Variants in CDCA8 observed in about 807,000 individuals in gnomAD.
CDCA8 encodes the protein cell division cycle associated 8.
A neutral mutation model predicts 40.0 loss-of-function variants in CDCA8; 25 were observed. The ratio of observed to expected loss-of-function variants is 0.63; its 90% CI spans 0.46 to 0.87. CDCA8 has a LOEUF of 0.87. Among genes scored for constraint, CDCA8 ranks in the 40% least tolerant of loss-of-function variants. CDCA8 has a pLI of 0.00. For synonymous variants in CDCA8, 111 were observed against 126.5 expected, an observed-to-expected ratio of 0.88 and a Z score of 0.82; for missense variants, 280 against 348.4, an observed-to-expected ratio of 0.80 and a Z score of 1.56.
intron 5 of CDCA8, among the ~76,000 whole-genome samples, 162 bp downstream of exon 5, chr1:37,700,683 A>G (rs1386574524): frequency 6.6e-6 from 1 of 152,258 alleles, no homozygotes; most frequent in African/African-American, 2.4e-5. Flanking sequence ...CAAAGTGTGT[A>G]GAACACAGAA....
At chr1:37,706,558 G>A (rs576059667) in intron 8 of CDCA8, among the ~76,000 whole-genome samples, 1 of 152,304 alleles carries the variant, frequency 6.6e-6, no homozygotes, top group Admixed American at 6.5e-5. Context: ...ATGTTAAAGG[G>A]TGGTGCAGAG....
chr1:37,702,299 C>CT (rs1397264883), intron 6 of CDCA8, among the ~76,000 whole-genome samples: 2,054 of 146,158 alleles, frequency 0.014, 39 homozygotes, highest in African/African-American at 0.046. Flanking sequence ...TCAGCCCCCA[C>CT]TTTTTTTTTT....
At chr1:37,705,351 A>C in intron 7 of CDCA8, 90 bp from the exon 8 acceptor site, 2 of 1,248,856 alleles carry the variant, frequency 1.6e-6, no homozygotes, top group Non-Finnish European at 2.3e-6. Context: ...TAAAAACTGC[A>C]ACTTGAGGCC....
Position 37,696,085 on chromosome 1 carries a change from A to T in CDCA8, c.264+135A>T. Reference sequence around the variant, plus strand: ...CTGTTTGTGTCAACTGAAAAATTAGAGTTGGACCAGACACTGTATACATGA... The same window carrying T: ...CTGTTTGTGTCAACTGAAAAATTAGTGTTGGACCAGACACTGTATACATGA... On this transcript the variant is annotated intron_variant, in intron 3 of 9. Transcript: ENST00000373055. The surrounding 1 kb of genome is among the most constrained non-coding windows in gnomAD (Gnocchi z 5.0). 1.3e-6 allele frequency: 1 copy of T among 761,088 alleles called. No homozygotes were observed. The highest frequency in any genetic ancestry group is 1.6e-5 in the South Asian group (1 of 60,750). 47.1% of individuals were successfully genotyped at this position (761,088 alleles called of 1,614,324 possible). A position where few individuals can be genotyped will look rare whatever the true frequency, so the allele number is the denominator to read the frequency against.
chr1:37,695,192 T>A (rs1334301255), intron 2 of CDCA8, among the ~76,000 whole-genome samples: 2 of 149,538 alleles, frequency 1.3e-5, no homozygotes, highest in Admixed American at 6.7e-5. Context: ...CTTTAAGCTT[T>A]AAAAAAAATA....
At chr1:37,704,602 G>T (rs1480242555) in intron 7 of CDCA8, among the ~76,000 whole-genome samples, 1 of 148,232 alleles carries the variant, frequency 6.7e-6, no homozygotes, top group Non-Finnish European at 1.5e-5. Context: ...GTGTGGGGAA[G>T]TGTTGAAGAT....
Position 37,709,351 on chromosome 1 carries a change from G to T in CDCA8, c.*985G>T, listed in dbSNP as rs1439459607. On this transcript the variant is annotated 3_prime_UTR_variant, in exon 10 of 10. Transcript: ENST00000373055. ...TGCTTGGTGGCCTCATTCCATGTGT[G>T]CCTGTGCCTGGGGCATGGACTTTGT... is the stretch of plus-strand genomic sequence containing the variant. The T allele has an allele frequency of 3.3e-5, 5 of 152,262 alleles. No homozygotes were observed. Among genetic ancestry groups the T allele is most frequent in the Non-Finnish European group, 7.3e-5 (5 of 68,066 alleles). The allele number at this position is 152,262 out of a possible 1,614,324, so 9.4% of individuals were successfully genotyped here. A position where few individuals can be genotyped will look rare whatever the true frequency, so the allele number is the denominator to read the frequency against.
In CDCA8 at chr1:37,692,962, A is replaced by G. The variant is rs1645482309; in HGVS notation, c.152A>G (p.Asp51Gly). Residue 51 changes from aspartate to glycine, a missense_variant, in exon 2 of 10, where the codon GAT (aspartate) becomes GGT (glycine). By Grantham distance (94) the Asp-to-Gly change is moderately conservative. Coordinates refer to ENST00000373055, the MANE Select transcript of CDCA8 (RefSeq NM_001256875.2). Reference sequence around the variant, plus strand: ...AGGCAGAACCTCCTCAAGGAGGTGGATAACCTCTACAACATCGAGATCCTG... The same window carrying G: ...AGGCAGAACCTCCTCAAGGAGGTGGGTAACCTCTACAACATCGAGATCCTG... ...SDRQNLLKEV[D>G]NLYNIEILRL... The G allele has an allele frequency of 4.3e-6, 7 of 1,613,796 alleles. No homozygotes were observed. The highest frequency in any genetic ancestry group is 5.9e-6 in the Non-Finnish European group (7 of 1,179,816).
intron 9 of CDCA8, 41 bp downstream of exon 9, chr1:37,707,105 T>C (rs747307860): frequency 2.1e-6 from 3 of 1,450,092 alleles, no homozygotes; most frequent in Non-Finnish European, 2.9e-6. Context: ...ATGCCTCCAG[T>C]AGCTTTCTTG....
rs1645525140 is a variant in CDCA8 at position 37,696,138 on chromosome 1, A to ACT, written c.264+188_264+189insCT. Among the ~76,000 whole-genome samples, 2 of 152,356 alleles carry ACT rather than the reference A, an allele frequency of 1.3e-5. No individual in the cohort carries two copies. The highest frequency in any genetic ancestry group is 2.1e-4 in the South Asian group (1 of 4,828). On this transcript the variant is annotated intron_variant, in intron 3 of 9. Transcript: ENST00000373055. This position sits in a 1 kb window ranked among gnomAD's most constrained non-coding sequence, Gnocchi z 5.0. ...CCCAGATAGTTCTGAGCCCTACAGA[A>ACT]GGTGGCAGTTCTGTTTTTGACCAAT... is the stretch of plus-strand genomic sequence containing the variant.
At chr1:37,704,090 A>G (rs1450583013) in intron 7 of CDCA8, among the ~76,000 whole-genome samples, 5 of 152,050 alleles carry the variant, frequency 3.3e-5, no homozygotes, top group African/African-American at 9.7e-5. Flanking sequence ...GCATGCCACC[A>G]TGCCTGGCTA....
At chr1:37,702,457 A>G (rs969509843) in intron 6 of CDCA8, among the ~76,000 whole-genome samples, 1 of 152,128 alleles carries the variant, frequency 6.6e-6, no homozygotes, top group Non-Finnish European at 1.5e-5. Context: ...AAGAACCTCT[A>G]TGGGCTTGAG....
chr1:37,707,108 C>CTTTCTTGGGCTACCTTTAT, intron 9 of CDCA8, 44 bp downstream of exon 9: 1 of 1,365,876 alleles, frequency 7.3e-7, no homozygotes, highest in East Asian at 2.3e-5. Context: ...CCTCCAGTAG[C>CTTTCTTGGGCTACCTTTAT]TTTCTTGGGC....
At chr1:37,704,636 C>CTTTT (rs145718694) in intron 7 of CDCA8, among the ~76,000 whole-genome samples, 10 of 86,480 alleles carry the variant, frequency 1.2e-4, no homozygotes, top group Middle Eastern at 9.1e-3. Flanking sequence ...TTAATTGCCA[C>CTTTT]TTTTTTTTTT....
chr1:37,709,681 T>C lies in CDCA8; in HGVS notation c.*1315T>C, dbSNP rs1557520987. 1 of 152,216 alleles carries C rather than the reference T, an allele frequency of 6.6e-6. No individual in the cohort carries two copies. The highest frequency in any genetic ancestry group is 1.5e-5 in the Non-Finnish European group (1 of 68,038). 9.4% of individuals were successfully genotyped at this position (152,216 alleles called of 1,614,324 possible). A position where few individuals can be genotyped will look rare whatever the true frequency, so the allele number is the denominator to read the frequency against. ...GATTGTTCTAATCAGAGCTGGTACC[T>C]ACTTTCAATAAATTCTGGTTTTGTG... On this transcript the variant is annotated 3_prime_UTR_variant, in exon 10 of 10. Coordinates refer to ENST00000373055, the MANE Select transcript of CDCA8 (RefSeq NM_001256875.2).
In CDCA8 at chr1:37,708,993, G is replaced by A. The variant is rs3748680; in HGVS notation, c.*627G>A. 10,507 of 155,170 alleles carry A rather than the reference G, an allele frequency of 0.068. 452 individuals are homozygous for A. The highest frequency in any genetic ancestry group is 0.14 in the Middle Eastern group (57 of 408). 9.6% of individuals were successfully genotyped at this position (155,170 alleles called of 1,614,324 possible). On this transcript the variant is annotated 3_prime_UTR_variant, in exon 10 of 10. Coordinates refer to ENST00000373055, the MANE Select transcript of CDCA8 (RefSeq NM_001256875.2). ...TCCTCTTCCTCCTCCTCCTCCTCCT[G>A]TGGGAGGTGGTCAGTGGGACTTAGG...
At chr1:37,698,857 A>G in intron 3 of CDCA8, 48 bp from the exon 4 acceptor site, 13 of 1,232,890 alleles carry the variant, frequency 1.1e-5, no homozygotes, top group Non-Finnish European at 1.5e-5. Context: ...ATTGTTCCTC[A>G]TATTTTGGTG....
At position 37,692,721 on chromosome 1, in the gene CDCA8, G is replaced by A; in HGVS notation, c.31G>A (p.Ala11Thr). 1 of 1,613,384 alleles carries A rather than the reference G, an allele frequency of 6.2e-7. No homozygotes were observed. Among genetic ancestry groups the A allele is most frequent in the Non-Finnish European group, 8.5e-7 (1 of 1,179,992 alleles). MAPRKGSSRV[A>T]KTNSLRRRKL... ...TCCTAGGAAGGGCAGTAGTCGGGTG[G>A]CCAAGACCAACTCCTTACGGAGGCG... Residue 11 changes from alanine to threonine, a missense_variant, in exon 1 of 10, where the codon GCC (alanine) becomes ACC (threonine). Ala to Thr is a moderately conservative substitution (Grantham distance 58). Transcript: ENST00000373055.
At chr1:37,706,558 G>T (rs576059667) in intron 8 of CDCA8, among the ~76,000 whole-genome samples, 1 of 152,188 alleles carries the variant, frequency 6.6e-6, no homozygotes, top group Non-Finnish European at 1.5e-5. Context: ...ATGTTAAAGG[G>T]TGGTGCAGAG....
Sources: gnomAD v4.1 joint callset for allele counts (sites outside exome capture counted in the v4.1 genomes callset) on GRCh38, gnomAD v4.1.1 for gene constraint, Gnocchi (gnomAD v3.1) non-coding constraint, MANE v1.5 for transcripts, NCBI Gene and HGNC (gene_info 2026-07-23, HGNC 2026-07-21) for gene names.